ULK4: variants seen among roughly 807,000 people sequenced by gnomAD.
ULK4 encodes unc-51 like kinase 4, also known as inactive serine/threonine-protein kinase ULK4.
Under a neutral mutation model 160.6 loss-of-function variants are expected in ULK4, and 133 were observed. The observed-to-expected ratio is 0.83, with a 90% CI of 0.72 to 0.96. ULK4 has a LOEUF of 0.96. Ranked by LOEUF, ULK4 falls within the 40% of genes least tolerant of loss-of-function variation. The pLI is 0.00. For synonymous variants in ULK4, 534 were observed against 539.8 expected (o/e 0.99, Z 0.15); for missense variants, 1,580 against 1,499.5 (o/e 1.05, Z -0.89).
At chr3:41,267,021 G>GC (rs1191001422) in intron 35 of ULK4, among the ~76,000 whole-genome samples, 1 of 143,368 alleles carries the variant, frequency 7.0e-6, no homozygotes. Flanking sequence ...TCTCTATTGG[G>GC]GGGGGGGGGT....
chr3:41,784,748 A>C (rs1464077097), intron 21 of ULK4, among the ~76,000 whole-genome samples: 9 of 152,210 alleles, frequency 5.9e-5, no homozygotes, highest in African/African-American at 1.9e-4. Context: ...TGCAGATGAC[A>C]ATGTGAACTG....
intron 30 of ULK4, among the ~76,000 whole-genome samples, chr3:41,618,510 T>A (rs1036246009): frequency 1.8e-4 from 28 of 152,208 alleles, no homozygotes; most frequent in African/African-American, 6.3e-4. Context: ...CAGAATTTCA[T>A]ATGCAGCCAA....
chr3:41,306,560 C>T (rs1373335651), intron 35 of ULK4, among the ~76,000 whole-genome samples: 4 of 149,628 alleles, frequency 2.7e-5, no homozygotes, highest in African/African-American at 4.9e-5. Flanking sequence ...CCACCCCGTC[C>T]GGGAGGTGAG....
intron 17 of ULK4, among the ~76,000 whole-genome samples, chr3:41,871,309 T>G (rs1422202545): frequency 1.3e-5 from 2 of 152,204 alleles, no homozygotes; most frequent in Non-Finnish European, 2.9e-5. Flanking sequence ...CTAAGTAGTA[T>G]TCTAAGTATG....
At chr3:41,801,522 C>T (rs1229440630) in intron 19 of ULK4, among the ~76,000 whole-genome samples, 1 of 146,526 alleles carries the variant, frequency 6.8e-6, no homozygotes, top group African/African-American at 2.6e-5. Context: ...ACATCATAAT[C>T]AGACTGCTTT....
chr3:41,337,526 T>A (rs1042644904), intron 35 of ULK4, among the ~76,000 whole-genome samples: 1 of 152,254 alleles, frequency 6.6e-6, no homozygotes, highest in East Asian at 1.9e-4. Context: ...CACGCAGGTA[T>A]GTGCAGACGT....
intron 35 of ULK4, among the ~76,000 whole-genome samples, chr3:41,376,661 T>C (rs2081505187): frequency 6.7e-6 from 1 of 149,068 alleles, no homozygotes; most frequent in South Asian, 2.2e-4. Flanking sequence ...GGAATCCAAC[T>C]TACAAGGGAT....
intron 2 of ULK4, among the ~76,000 whole-genome samples, chr3:41,948,644 C>T (rs1700186343): frequency 6.7e-6 from 1 of 149,702 alleles, no homozygotes; most frequent in South Asian, 2.1e-4. Flanking sequence ...ATGTAATATA[C>T]CACATTATGA....
intron 35 of ULK4, among the ~76,000 whole-genome samples, chr3:41,369,109 T>C (rs780322349): frequency 2.0e-5 from 3 of 152,198 alleles, no homozygotes; most frequent in Non-Finnish European, 4.4e-5. Flanking sequence ...ATTTGAAAAT[T>C]TTCTTTTCAA....
intron 12 of ULK4, among the ~76,000 whole-genome samples, chr3:41,903,966 C>A (rs2148795202): frequency 6.8e-6 from 1 of 146,876 alleles, no homozygotes; most frequent in Middle Eastern, 3.5e-3. Flanking sequence ...TGTGCCACTG[C>A]ACTCCAGCCT....
intron 20 of ULK4, among the ~76,000 whole-genome samples, chr3:41,799,084 G>C (rs1048304273): frequency 6.6e-6 from 1 of 152,082 alleles, no homozygotes; most frequent in African/African-American, 2.4e-5. Context: ...GTGAGGATAC[G>C]TGATGAAAAT....
chr3:41,812,493 C>T (rs1302636074), intron 19 of ULK4, among the ~76,000 whole-genome samples: 1 of 152,050 alleles, frequency 6.6e-6, no homozygotes, highest in East Asian at 1.9e-4. Context: ...GAAAAGGTAT[C>T]CATGATAATA....
chr3:41,826,207 C>T (rs915281888), intron 18 of ULK4, among the ~76,000 whole-genome samples: 2 of 152,126 alleles, frequency 1.3e-5, no homozygotes, highest in African/African-American at 4.8e-5. Context: ...CAAAAACATG[C>T]CAAATTGTAA....
At chr3:41,878,790 T>C (rs1287740438) in intron 17 of ULK4, among the ~76,000 whole-genome samples, 1 of 151,580 alleles carries the variant, frequency 6.6e-6, no homozygotes, top group Non-Finnish European at 1.5e-5. Context: ...CTGAGTCTAG[T>C]GATCAACTTT....
intron 32 of ULK4, among the ~76,000 whole-genome samples, chr3:41,477,111 C>T (rs1410753010): frequency 2.0e-5 from 3 of 152,160 alleles, no homozygotes; most frequent in Admixed American, 6.5e-5. Context: ...AAGAAGCCAA[C>T]ATTCATTAAT....
chr3:41,815,477 T>A (rs1476935879), intron 19 of ULK4, among the ~76,000 whole-genome samples: 1 of 152,220 alleles, frequency 6.6e-6, no homozygotes, highest in Non-Finnish European at 1.5e-5. Flanking sequence ...CACTTTTTTT[T>A]ACTACAGTTG....
intron 35 of ULK4, among the ~76,000 whole-genome samples, chr3:41,365,373 T>G (rs974703113): frequency 6.6e-6 from 1 of 152,238 alleles, no homozygotes; most frequent in Non-Finnish European, 1.5e-5. Flanking sequence ...CCAGCAGATA[T>G]TTTTCATGTC....
chr3:41,371,075 T>G (rs2081356357), intron 35 of ULK4, among the ~76,000 whole-genome samples: 1 of 152,192 alleles, frequency 6.6e-6, no homozygotes, highest in Non-Finnish European at 1.5e-5. Context: ...AAGGCCACTG[T>G]GGTCAGACTG....
chr3:41,463,718 T>C (rs555227109), intron 32 of ULK4, among the ~76,000 whole-genome samples: 6 of 152,178 alleles, frequency 3.9e-5, no homozygotes, highest in African/African-American at 7.2e-5. Context: ...TATAAGAAAT[T>C]TGAAATTTAG....
Sources: allele counts gnomAD v4.1 joint callset (sites outside exome capture counted in the v4.1 genomes callset), GRCh38; gene constraint gnomAD v4.1.1; transcripts MANE v1.5; gene names NCBI Gene and HGNC (gene_info 2026-07-23, HGNC 2026-07-21).